GLRB: variants seen among roughly 807,000 people sequenced by gnomAD.
GLRB encodes glycine receptor beta, also known as glycine receptor subunit beta.
In GLRB, 33 loss-of-function variants were observed where a neutral mutation model predicts 54.2. That is an observed-to-expected ratio of 0.61 (90% CI 0.46 to 0.81). The LOEUF is 0.81. Ranked by LOEUF, GLRB falls within the 40% of genes least tolerant of loss-of-function variation. GLRB has a pLI of 0.00. For synonymous variants in GLRB, 209 were observed against 208.2 expected, an observed-to-expected ratio of 1.00 and a Z score of -0.03; for missense variants, 572 against 584.6, an observed-to-expected ratio of 0.98 and a Z score of 0.22.
At chr4:157,110,310 G>A (rs1735371022) in intron 2 of GLRB, among the ~76,000 whole-genome samples, 1 of 151,426 alleles carries the variant, frequency 6.6e-6, no homozygotes, top group South Asian at 2.1e-4. Context: ...TTATCACAGT[G>A]TCTTATAAGA....
intron 9 of GLRB, among the ~76,000 whole-genome samples, chr4:157,153,774 C>T (rs1470076249): frequency 1.3e-5 from 2 of 152,130 alleles, no homozygotes; most frequent in East Asian, 1.9e-4. Context: ...AGACCATTTC[C>T]ATTGAGCTAA....
chr4:157,130,671 C>A (rs945361771), intron 4 of GLRB, among the ~76,000 whole-genome samples: 3 of 151,596 alleles, frequency 2.0e-5, no homozygotes, highest in Non-Finnish European at 3.0e-5. Context: ...GGGTTATTTT[C>A]AGCTTTTGGC....
chr4:157,166,877 AAT>A (rs1737729816), intron 9 of GLRB, among the ~76,000 whole-genome samples: 1 of 152,090 alleles, frequency 6.6e-6, no homozygotes, highest in South Asian at 2.1e-4. Flanking sequence ...ATCAAATCCT[AAT>A]ATTATTTAAA....
At chr4:157,147,044 T>C (rs1736838450) in intron 8 of GLRB, among the ~76,000 whole-genome samples, 1 of 152,168 alleles carries the variant, frequency 6.6e-6, no homozygotes, top group Admixed American at 6.5e-5. Context: ...GGCCAGGAGC[T>C]TTGCTTTAGA....
At chr4:157,095,179 C>T (rs570866522) in intron 2 of GLRB, among the ~76,000 whole-genome samples, 4 of 151,228 alleles carry the variant, frequency 2.6e-5, no homozygotes, top group East Asian at 1.9e-4. Flanking sequence ...AACCACAGCA[C>T]GTAGACTAGG....
chr4:157,084,306 C>T (rs530701418), intron 2 of GLRB, among the ~76,000 whole-genome samples: 1 of 152,238 alleles, frequency 6.6e-6, no homozygotes, highest in African/African-American at 2.4e-5. Flanking sequence ...TAATAGCTTA[C>T]AGTAAGTGAA....
intron 2 of GLRB, among the ~76,000 whole-genome samples, chr4:157,102,850 ACAATTAGGTTCTCTATGT>A (rs1333565219): frequency 2.0e-5 from 3 of 152,190 alleles, no homozygotes; most frequent in Non-Finnish European, 2.9e-5. Flanking sequence ...TAAATGTGTT[ACAATTAGGTTCTCTATGT>A]CAAAAGGTGA....
chr4:157,085,465 A>G (rs997869146), intron 2 of GLRB, among the ~76,000 whole-genome samples: 4 of 151,916 alleles, frequency 2.6e-5, no homozygotes, highest in African/African-American at 7.3e-5. Flanking sequence ...TAGCTTTTCT[A>G]TCATTATTAT....
At chr4:157,138,770 T>C (rs376157100) in intron 6 of GLRB, 39 bp from the exon 7 acceptor site, 88 of 998,858 alleles carry the variant, frequency 8.8e-5, no homozygotes, top group Non-Finnish European at 1.2e-4. Flanking sequence ...GCATTATTAA[T>C]TATATTTTAA....
At chr4:157,162,967 G>A (rs1309804004) in intron 9 of GLRB, among the ~76,000 whole-genome samples, 2 of 152,166 alleles carry the variant, frequency 1.3e-5, no homozygotes, top group Non-Finnish European at 2.9e-5. Flanking sequence ...GCCTCCTTGT[G>A]CTGTGGTGGG....
In GLRB at chr4:157,138,793, T is replaced by G; in HGVS notation, c.611-16T>G. The G allele has an allele frequency of 7.7e-7, 1 of 1,298,486 alleles. No individual in the cohort carries two copies. Among genetic ancestry groups the G allele is most frequent in the Non-Finnish European group, 1.1e-6 (1 of 898,210 alleles). The allele number at this position is 1,298,486 out of a possible 1,614,324, so 80.4% of individuals were successfully genotyped here. A position where few individuals can be genotyped will look rare whatever the true frequency, so the allele number is the denominator to read the frequency against. On this transcript the variant is annotated splice_polypyrimidine_tract_variant and intron_variant, in intron 6 of 9. Transcript: ENST00000264428. ...AATTATATTTTAAACTAACATTTAT[T>G]TGTTTTTGTTTATAGTTGGTTACAC...
At chr4:157,101,797 G>GT (rs77992858) in intron 2 of GLRB, among the ~76,000 whole-genome samples, 11,399 of 37,694 alleles carry the variant, frequency 0.3, 982 homozygotes, top group African/African-American at 0.39. Flanking sequence ...AGTCAAACTT[G>GT]TTTTTTTTTT....
chr4:157,084,678 A>G (rs957431173), intron 2 of GLRB: 10 of 456,058 alleles, frequency 2.2e-5, no homozygotes, highest in Non-Finnish European at 4.4e-5. Context: ...AGATTGTACC[A>G]TTGAATGACA....
chr4:157,126,055 C>G (rs1020353501), intron 4 of GLRB, among the ~76,000 whole-genome samples: 2 of 151,712 alleles, frequency 1.3e-5, no homozygotes, highest in South Asian at 2.1e-4. Flanking sequence ...TGAATAGCCA[C>G]GAGTCAGGTG....
intron 4 of GLRB, among the ~76,000 whole-genome samples, chr4:157,123,522 A>G (rs1735907627): frequency 6.6e-6 from 1 of 151,608 alleles, no homozygotes; most frequent in South Asian, 2.1e-4. Flanking sequence ...AATTACTTAA[A>G]AGATTTGGGG....
intron 9 of GLRB, among the ~76,000 whole-genome samples, chr4:157,162,876 C>T (rs1737562862): frequency 6.6e-6 from 1 of 152,192 alleles, no homozygotes; most frequent in Non-Finnish European, 1.5e-5. Context: ...CAGACAGGGA[C>T]ATTTTAAGTC....
At chr4:157,129,749 T>C (rs1013988885) in intron 4 of GLRB, among the ~76,000 whole-genome samples, 7 of 151,180 alleles carry the variant, frequency 4.6e-5, no homozygotes, top group African/African-American at 1.5e-4. Flanking sequence ...AGAGACCCAT[T>C]TGAGCTTTTT....
intron 8 of GLRB, among the ~76,000 whole-genome samples, chr4:157,150,399 C>T (rs184303392): frequency 3.3e-5 from 5 of 151,968 alleles, no homozygotes; most frequent in African/African-American, 9.6e-5. Context: ...TGTTTCTAAC[C>T]GAATGTGTGG....
intron 2 of GLRB, among the ~76,000 whole-genome samples, chr4:157,093,586 C>G (rs1460848635): frequency 6.6e-6 from 1 of 151,784 alleles, no homozygotes; most frequent in Non-Finnish European, 1.5e-5. Flanking sequence ...GAAACCCTGT[C>G]TCTACTAAAA....
Sources: allele counts gnomAD v4.1 joint callset (sites outside exome capture counted in the v4.1 genomes callset), GRCh38; gene constraint gnomAD v4.1.1; transcripts MANE v1.5; gene names NCBI Gene and HGNC (gene_info 2026-07-23, HGNC 2026-07-21).